KHDRBS2: variants seen among roughly 807,000 people sequenced by gnomAD.
The protein encoded by KHDRBS2 is KH RNA binding domain containing, signal transduction associated 2, also known as KH domain-containing, RNA-binding, signal transduction-associated protein 2.
Under a neutral mutation model 44.3 loss-of-function variants are expected in KHDRBS2, and 26 were observed. That is an observed-to-expected ratio of 0.59 (90% CI 0.43 to 0.81). The LOEUF is 0.81. Among genes scored for constraint, KHDRBS2 ranks in the 40% least tolerant of loss-of-function variants. KHDRBS2 has a pLI of 0.00. For missense variants in KHDRBS2, 476 were observed against 433.1 expected (o/e 1.10, Z -0.88); for synonymous variants, 194 against 151.1 (o/e 1.28, Z -2.08).
intron 2 of KHDRBS2, among the ~76,000 whole-genome samples, chr6:62,150,787 C>A (rs1412503683): frequency 6.6e-6 from 1 of 152,190 alleles, no homozygotes; most frequent in Non-Finnish European, 1.5e-5. Flanking sequence ...GAAGGCTTTA[C>A]ATTCCCACAA....
chr6:61,832,714 T>C (rs1195987120), intron 6 of KHDRBS2, among the ~76,000 whole-genome samples: 2 of 152,080 alleles, frequency 1.3e-5, no homozygotes, highest in African/African-American at 4.8e-5. Context: ...ACAGTCCAAA[T>C]GGAGAAAGAT....
intron 6 of KHDRBS2, among the ~76,000 whole-genome samples, chr6:61,773,698 G>T (rs1309203835): frequency 1.3e-4 from 19 of 151,300 alleles, no homozygotes; most frequent in African/African-American, 2.0e-4. Flanking sequence ...TTTTGGTGTT[G>T]TAGACATGAA....
intron 7 of KHDRBS2, among the ~76,000 whole-genome samples, chr6:61,728,784 A>G (rs900760578): frequency 1.3e-5 from 2 of 152,168 alleles, no homozygotes; most frequent in Non-Finnish European, 2.9e-5. Flanking sequence ...AATGTTCACA[A>G]CAGCTGTTTC....
chr6:62,176,467 C>A (rs1821117589), intron 2 of KHDRBS2, among the ~76,000 whole-genome samples: 1 of 151,148 alleles, frequency 6.6e-6, no homozygotes, highest in Non-Finnish European at 1.5e-5. Flanking sequence ...ATTACATGGT[C>A]CTTGCTTCAC....
the KHDRBS2 span, among the ~76,000 whole-genome samples, chr6:61,607,722 C>T: frequency 3.3e-5 from 5 of 152,008 alleles, no homozygotes; most frequent in Non-Finnish European, 7.4e-5. Context: ...GAGTCTTGCT[C>T]TGTTGCCCAG....
the KHDRBS2 span, among the ~76,000 whole-genome samples, chr6:61,593,474 GTTT>G: frequency 0.4 from 57,958 of 146,300 alleles, 11,379 homozygotes; most frequent in East Asian, 0.48. Context: ...TGTACTATAG[GTTT>G]TTTTTTTTTT....
At chr6:61,643,461 G>C in the KHDRBS2 span, among the ~76,000 whole-genome samples, 7 of 152,142 alleles carry the variant, frequency 4.6e-5, no homozygotes, top group Non-Finnish European at 1.0e-4. Flanking sequence ...ACCCTGGCCA[G>C]AGCAATCAGG....
intron 1 of KHDRBS2, among the ~76,000 whole-genome samples, chr6:62,263,162 T>C (rs1252146518): frequency 6.6e-6 from 1 of 151,792 alleles, no homozygotes; most frequent in African/African-American, 2.4e-5. Flanking sequence ...GCAGTAAGTG[T>C]ACTTTGTTCA....
At chr6:61,547,554 T>A in the KHDRBS2 span, among the ~76,000 whole-genome samples, 2 of 152,174 alleles carry the variant, frequency 1.3e-5, no homozygotes, top group Admixed American at 1.3e-4. Context: ...CTCCTGTTAC[T>A]GTGTGGCTGA....
At chr6:61,778,291 C>T (rs1782412754) in intron 6 of KHDRBS2, among the ~76,000 whole-genome samples, 1 of 152,090 alleles carries the variant, frequency 6.6e-6, no homozygotes. Context: ...GGTGGCACTG[C>T]CTTTTATGCC....
chr6:61,745,973 C>A (rs1450197486), intron 6 of KHDRBS2, among the ~76,000 whole-genome samples: 1 of 152,068 alleles, frequency 6.6e-6, no homozygotes, highest in East Asian at 1.9e-4. Flanking sequence ...GAACTTGCCC[C>A]ATTTCTGTTG....
chr6:61,560,708 A>C, the KHDRBS2 span, among the ~76,000 whole-genome samples: 1 of 152,104 alleles, frequency 6.6e-6, no homozygotes, highest in Admixed American at 6.6e-5. Context: ...AGAATTCGGA[A>C]TTCCTTCTCT....
intron 1 of KHDRBS2, among the ~76,000 whole-genome samples, chr6:62,262,015 AAG>A (rs1838425629): frequency 6.6e-6 from 1 of 151,746 alleles, no homozygotes; most frequent in African/African-American, 2.4e-5. Flanking sequence ...TTAAAAGTGT[AAG>A]ATAATAATTT....
intron 8 of KHDRBS2, among the ~76,000 whole-genome samples, chr6:61,683,027 C>T (rs1363731251): frequency 1.3e-5 from 2 of 151,790 alleles, no homozygotes; most frequent in South Asian, 2.1e-4. Flanking sequence ...AAAGAATGTA[C>T]TACTTTTTGC....
At chr6:61,557,699 A>G in the KHDRBS2 span, among the ~76,000 whole-genome samples, 1 of 152,168 alleles carries the variant, frequency 6.6e-6, no homozygotes, top group Non-Finnish European at 1.5e-5. Context: ...TAGTGTAAGC[A>G]GGATTGATAT....
At chr6:61,924,802 A>G (rs571048426) in intron 4 of KHDRBS2, among the ~76,000 whole-genome samples, 1 of 152,158 alleles carries the variant, frequency 6.6e-6, no homozygotes, top group Admixed American at 6.5e-5. Context: ...ATTATTTCCA[A>G]ATAAATATGT....
At chr6:62,140,029 A>T (rs1812450414) in intron 2 of KHDRBS2, among the ~76,000 whole-genome samples, 1 of 152,222 alleles carries the variant, frequency 6.6e-6, no homozygotes, top group South Asian at 2.1e-4. Flanking sequence ...TAAATAAAAA[A>T]TAACCTAAAC....
At chr6:61,683,165 C>A (rs1046103939) in intron 8 of KHDRBS2, among the ~76,000 whole-genome samples, 4 of 151,736 alleles carry the variant, frequency 2.6e-5, no homozygotes, top group African/African-American at 9.7e-5. Context: ...TCTGAATGTT[C>A]CTGAAAAACA....
intron 6 of KHDRBS2, among the ~76,000 whole-genome samples, chr6:61,863,247 G>A (rs951461250): frequency 1.4e-5 from 2 of 142,566 alleles, no homozygotes; most frequent in Non-Finnish European, 3.0e-5. Context: ...CATTTGTTGA[G>A]CTTTTGAAGG....
Sources: gnomAD v4.1 joint callset for allele counts (sites outside exome capture counted in the v4.1 genomes callset) on GRCh38, gnomAD v4.1.1 for gene constraint, MANE v1.5 for transcripts, NCBI Gene and HGNC (gene_info 2026-07-23, HGNC 2026-07-21) for gene names.